TAMM41: variants seen among roughly 807,000 people sequenced by gnomAD.
The protein encoded by TAMM41 is phosphatidate cytidylyltransferase, mitochondrial.
A neutral mutation model predicts 44.1 loss-of-function variants in TAMM41; 36 were observed. The ratio of observed to expected loss-of-function variants is 0.82; its 90% confidence interval spans 0.63 to 1.08. The LOEUF (loss-of-function observed/expected upper bound fraction) is 1.08, where lower values mean the gene tolerates loss of function less well. Among genes scored for constraint, TAMM41 ranks in the 50% least tolerant of loss-of-function variants. TAMM41 has a pLI of 0.00. For missense variants in TAMM41, 417 were observed against 404.3 expected (o/e 1.03, Z -0.27); for synonymous variants, 164 against 153.1 (o/e 1.07, Z -0.53).
chr3:11,815,020 A>G (rs1250942489), intron 5 of TAMM41, among the ~76,000 whole-genome samples: 1 of 152,186 alleles, frequency 6.6e-6, no homozygotes, highest in Non-Finnish European at 1.5e-5. Context: ...CTGAATAATG[A>G]ATGGAAAACA....
intron 3 of TAMM41, 50 bp downstream of exon 3, chr3:11,839,172 G>T: frequency 8.5e-7 from 1 of 1,182,954 alleles, no homozygotes; most frequent in Non-Finnish European, 1.2e-6. Flanking sequence ...AGTAAGGTTA[G>T]GCTCAGAGAG....
chr3:11,731,652 G>A, the TAMM41 span, among the ~76,000 whole-genome samples: 1 of 152,202 alleles, frequency 6.6e-6, no homozygotes, highest in Non-Finnish European at 1.5e-5. Flanking sequence ...GAGCAAGGAT[G>A]TGTTTGTTTT....
At chr3:11,736,649 A>C in the TAMM41 span, among the ~76,000 whole-genome samples, 122 of 152,272 alleles carry the variant, frequency 8.0e-4, 1 homozygote, top group Admixed American at 1.4e-3. Flanking sequence ...ACCCTGCTTC[A>C]GCAATTACCA....
At chr3:11,736,160 G>T in the TAMM41 span, among the ~76,000 whole-genome samples, 1 of 152,192 alleles carries the variant, frequency 6.6e-6, no homozygotes, top group South Asian at 2.1e-4. Flanking sequence ...AGGATTTGCA[G>T]CCCAAATAAG....
the TAMM41 span, among the ~76,000 whole-genome samples, chr3:11,730,798 C>T: frequency 2.0e-5 from 3 of 152,156 alleles, no homozygotes; most frequent in Non-Finnish European, 4.4e-5. Flanking sequence ...TACAAAACCG[C>T]TTCCATTCTG....
the TAMM41 span, among the ~76,000 whole-genome samples, chr3:11,765,999 C>A: frequency 6.6e-5 from 10 of 152,070 alleles, no homozygotes; most frequent in Non-Finnish European, 1.3e-4. Context: ...CCACACCCAG[C>A]CTGGAGTCAA....
In TAMM41 at chr3:11,810,320, G is replaced by A. The variant is rs571581540; in HGVS notation, c.709-638C>T. ...CTAAAGCTACTATGCCAGCGGCTTC[G>A]GTTCCCAAAGTATTCTAAAACATAC... On this transcript the variant is annotated intron_variant, in intron 5 of 7. Coordinates refer to ENST00000455809, the MANE Select transcript of TAMM41 (RefSeq NM_001284401.2). 3.0e-4 allele frequency among the ~76,000 whole-genome samples: 45 copies of A among 152,206 alleles called. No individual in the cohort carries two copies. In the South Asian group the frequency reaches 4.1e-3, roughly 14 times the overall value.
chr3:11,798,379 C>T (rs1312324043), intron 7 of TAMM41, among the ~76,000 whole-genome samples: 1 of 152,124 alleles, frequency 6.6e-6, no homozygotes, highest in Non-Finnish European at 1.5e-5. Flanking sequence ...CCATTATCCT[C>T]AGCAAACTAA....
the TAMM41 span, among the ~76,000 whole-genome samples, chr3:11,763,767 G>A: frequency 2.6e-5 from 4 of 152,178 alleles, no homozygotes; most frequent in African/African-American, 9.6e-5. Flanking sequence ...GTGTCCTGGC[G>A]AAAGTCACAC....
chr3:11,728,030 GC>G, the TAMM41 span, among the ~76,000 whole-genome samples: 19 of 151,532 alleles, frequency 1.3e-4, no homozygotes, highest in African/African-American at 4.6e-4. Flanking sequence ...CAGGTGATCC[GC>G]CCACCTTGAC....
chr3:11,803,358 T>C (rs1283371591), intron 7 of TAMM41, among the ~76,000 whole-genome samples: 1 of 151,948 alleles, frequency 6.6e-6, no homozygotes, highest in East Asian at 1.9e-4. Context: ...TACTCCAGCC[T>C]GAGCAACAGA....
At chr3:11,836,819 T>G (rs2079199254) in intron 3 of TAMM41, among the ~76,000 whole-genome samples, 1 of 152,244 alleles carries the variant, frequency 6.6e-6, no homozygotes, top group Admixed American at 6.5e-5. Context: ...CAAAAAACCC[T>G]TGGAAATAAA....
chr3:11,795,565 T>C (rs1050136900), intron 7 of TAMM41, among the ~76,000 whole-genome samples: 8 of 152,224 alleles, frequency 5.3e-5, no homozygotes, highest in African/African-American at 1.4e-4. Flanking sequence ...TTGATCTCTA[T>C]GCTCTAACTA....
intron 2 of TAMM41, among the ~76,000 whole-genome samples, chr3:11,842,855 A>G (rs1159460866): frequency 6.6e-6 from 1 of 152,110 alleles, no homozygotes; most frequent in African/African-American, 2.4e-5. Context: ...AGTGAAACCC[A>G]TATGTCATCC....
At chr3:11,786,286 T>TTAATTTTA (rs1553564665), downstream of TAMM41, among the ~76,000 whole-genome samples, 54 of 138,850 alleles carry the variant, frequency 3.9e-4, no homozygotes, top group African/African-American at 1.3e-3. Flanking sequence ...TTTATTTAAT[T>TTAATTTTA]TTATTATTAT....
the TAMM41 span, among the ~76,000 whole-genome samples, chr3:11,771,056 G>C: frequency 1.3e-5 from 2 of 152,156 alleles, no homozygotes; most frequent in African/African-American, 4.8e-5. Context: ...TTAGGACCCA[G>C]GTCCCTCCCT....
chr3:11,742,876 A>G, the TAMM41 span, among the ~76,000 whole-genome samples: 1 of 151,976 alleles, frequency 6.6e-6, no homozygotes, highest in Non-Finnish European at 1.5e-5. Context: ...GATTGCAGGC[A>G]TGAGCCACTG....
the TAMM41 span, among the ~76,000 whole-genome samples, chr3:11,763,182 A>T: frequency 4.6e-5 from 7 of 152,206 alleles, no homozygotes; most frequent in Admixed American, 3.9e-4. Flanking sequence ...CCTGTCACCC[A>T]TGCTGCAGTG....
the TAMM41 span, among the ~76,000 whole-genome samples, chr3:11,761,105 T>G: frequency 6.6e-6 from 1 of 151,474 alleles, no homozygotes; most frequent in African/African-American, 2.4e-5. Flanking sequence ...GAGGCAGAGC[T>G]TGCAGTGAGC....
Sources: allele counts gnomAD v4.1 joint callset (sites outside exome capture counted in the v4.1 genomes callset), GRCh38; gene constraint gnomAD v4.1.1; transcripts MANE v1.5; gene names NCBI Gene and HGNC (gene_info 2026-07-23, HGNC 2026-07-21).